The following TRPC5 variants were observed in gnomAD, a reference collection of about 807,000 sequenced individuals.
The protein encoded by TRPC5 is short transient receptor potential channel 5.
In TRPC5, 9 loss-of-function variants were observed where a neutral mutation model predicts 56.5. That is an observed-to-expected ratio of 0.16 (90% confidence interval 0.10 to 0.28). TRPC5 has a LOEUF of 0.28. Ranked by LOEUF, TRPC5 falls within the 10% of genes least tolerant of loss-of-function variation. The probability of loss-of-function intolerance (pLI) is 1.00; values close to 1 mark genes in which losing one functional copy is unlikely to be tolerated. For missense variants in TRPC5, 469 were observed against 748.9 expected (o/e 0.63, Z 4.36); for synonymous variants, 282 against 278.5 (o/e 1.01, Z -0.13).
At chrX:111,826,218 T>C (rs147660649) in intron 7 of TRPC5, among the ~76,000 whole-genome samples, 3 of 112,295 alleles carry the variant, frequency 2.7e-5, no homozygotes, top group African/African-American at 9.7e-5. Flanking sequence ...GTTTTACTCA[T>C]GTCAGACTTT....
intron 1 of TRPC5, among the ~76,000 whole-genome samples, chrX:111,958,554 G>A (rs1236675164): frequency 8.9e-6 from 1 of 112,086 alleles, no homozygotes; most frequent in Non-Finnish European, 1.9e-5. Context: ...GCAGAGCCCT[G>A]CTTTTGTTTG....
intron 1 of TRPC5, among the ~76,000 whole-genome samples, chrX:112,070,887 A>G (rs995384079): frequency 9.0e-6 from 1 of 111,636 alleles, no homozygotes; most frequent in African/African-American, 3.3e-5. Context: ...CTACCATATC[A>G]AAAGTCAACA....
intron 2 of TRPC5, among the ~76,000 whole-genome samples, chrX:111,937,118 GT>G (rs1216617720): frequency 1.9e-5 from 2 of 105,729 alleles, no homozygotes; most frequent in Non-Finnish European, 3.9e-5. Flanking sequence ...TTTTTCATGT[GT>G]TTTTTGGCTG....
At chrX:111,969,169 G>T (rs1927710143) in intron 1 of TRPC5, among the ~76,000 whole-genome samples, 1 of 111,035 alleles carries the variant, frequency 9.0e-6, no homozygotes, top group African/African-American at 3.3e-5. Flanking sequence ...CCAGCAAAAA[G>T]ATTATGACTT....
chrX:111,871,408 T>A (rs937916204), intron 3 of TRPC5, among the ~76,000 whole-genome samples: 1 of 110,742 alleles, frequency 9.0e-6, no homozygotes, highest in African/African-American at 3.3e-5. Context: ...AGGAGATTGG[T>A]CTCTGCAGTC....
intron 2 of TRPC5, among the ~76,000 whole-genome samples, chrX:111,913,366 A>T (rs996815608): frequency 1.8e-5 from 2 of 111,533 alleles, no homozygotes; most frequent in Admixed American, 1.9e-4. Flanking sequence ...GAGACTATAT[A>T]TATAACTTCA....
intron 1 of TRPC5, among the ~76,000 whole-genome samples, chrX:111,983,095 C>A (rs1928123587): frequency 8.9e-6 from 1 of 111,816 alleles, no homozygotes; most frequent in Non-Finnish European, 1.9e-5. Flanking sequence ...GGACTCACTG[C>A]TATACCTCTT....
At chrX:111,977,805 A>T (rs1927970474) in intron 1 of TRPC5, among the ~76,000 whole-genome samples, 1 of 112,179 alleles carries the variant, frequency 8.9e-6, no homozygotes, top group African/African-American at 3.2e-5. Context: ...AAATGGGCAA[A>T]GAACCTAAAT....
intron 1 of TRPC5, among the ~76,000 whole-genome samples, chrX:112,065,076 T>C (rs1170496142): frequency 3.7e-5 from 3 of 80,302 alleles, no homozygotes; most frequent in Non-Finnish European, 7.0e-5. Context: ...AGACTACGTC[T>C]CAAAAAAAAA....
At position 112,082,051 on chromosome X, in the gene TRPC5, A is replaced by C. The variant is rs1930982583; in HGVS notation, c.-194T>G. 9.0e-6 allele frequency: 1 copy of C among 111,498 alleles called. No individual in the cohort carries two copies. The highest frequency in any genetic ancestry group is 9.5e-5 in the Admixed American group (1 of 10,541). 9.2% of individuals were successfully genotyped at this position (111,498 alleles called of 1,213,427 possible). ...TGGGTGGGCGGATGAGCACAGGGAA[A>C]GGGGCGGGGTGTAAAGACGAGCGCA... On this transcript the variant is annotated 5_prime_UTR_variant, in exon 1 of 11. Coordinates refer to ENST00000262839, the MANE Select transcript of TRPC5 (RefSeq NM_012471.3).
intron 1 of TRPC5, among the ~76,000 whole-genome samples, chrX:111,976,062 T>C (rs1296965150): frequency 8.9e-6 from 1 of 112,259 alleles, no homozygotes; most frequent in Non-Finnish European, 1.9e-5. Context: ...AGCTGCATGA[T>C]CATCTCAATA....
chrX:111,980,036 G>T (rs973398249), intron 1 of TRPC5, among the ~76,000 whole-genome samples: 7 of 111,530 alleles, frequency 6.3e-5, no homozygotes, highest in Non-Finnish European at 1.1e-4. Flanking sequence ...TTTCATAGTG[G>T]CTTTATTTTT....
chrX:111,840,037 G>A (rs1269115639), intron 6 of TRPC5, among the ~76,000 whole-genome samples: 1 of 111,909 alleles, frequency 8.9e-6, no homozygotes, highest in Non-Finnish European at 1.9e-5. Flanking sequence ...GGGCATGGTG[G>A]CGGGCGCCTG....
chrX:111,890,200 G>A (rs1320200418), intron 3 of TRPC5, among the ~76,000 whole-genome samples: 1 of 112,270 alleles, frequency 8.9e-6, no homozygotes, highest in East Asian at 2.8e-4. Flanking sequence ...TATTTACATT[G>A]TGTAAGGTAT....
chrX:111,822,658 A>G (rs148163612), intron 7 of TRPC5, among the ~76,000 whole-genome samples: 7,042 of 112,266 alleles, frequency 0.063, 343 homozygotes, highest in African/African-American at 0.17. Flanking sequence ...CCAAGAATGT[A>G]GTGTGGCACA....
At chrX:111,785,792 A>T (rs980050078) in intron 7 of TRPC5, among the ~76,000 whole-genome samples, 3 of 111,945 alleles carry the variant, frequency 2.7e-5, no homozygotes, top group Non-Finnish European at 5.6e-5. Context: ...AGCCAATTTG[A>T]TCAAGTGGAA....
intron 1 of TRPC5, among the ~76,000 whole-genome samples, chrX:111,962,474 G>A (rs1404784209): frequency 8.9e-6 from 1 of 112,432 alleles, no homozygotes; most frequent in Non-Finnish European, 1.9e-5. Context: ...AAAACTACAA[G>A]AGAACCAGAA....
intron 3 of TRPC5, among the ~76,000 whole-genome samples, chrX:111,884,078 G>C (rs946623334): frequency 8.9e-6 from 1 of 112,425 alleles, no homozygotes; most frequent in African/African-American, 3.2e-5. Flanking sequence ...CCTAGGTAAG[G>C]CTTAAGTCTA....
chrX:111,785,931 ATGTT>A (rs1254350944), intron 7 of TRPC5, among the ~76,000 whole-genome samples: 1 of 112,101 alleles, frequency 8.9e-6, no homozygotes, highest in African/African-American at 3.2e-5. Context: ...GACCAAATCT[ATGTT>A]TGATTGGTGT....
Sources: allele counts gnomAD v4.1 joint callset (sites outside exome capture counted in the v4.1 genomes callset), GRCh38; gene constraint gnomAD v4.1.1; transcripts MANE v1.5; gene names NCBI Gene and HGNC (gene_info 2026-07-23, HGNC 2026-07-21).